The following MAST4 variants were observed in gnomAD, a reference collection of about 807,000 sequenced individuals.
MAST4 encodes the protein microtubule associated serine/threonine kinase family member 4.
In MAST4, 89 loss-of-function variants were observed where a neutral mutation model predicts 162.7. That is an observed-to-expected ratio of 0.55 (90% confidence interval 0.46 to 0.65). The LOEUF is 0.65. Ranked by LOEUF, MAST4 falls within the 30% of genes least tolerant of loss-of-function variation. The pLI is 0.00. For synonymous variants in MAST4, 1,479 were observed against 1,361.1 expected, an observed-to-expected ratio of 1.09 and a Z score of -1.91; for missense variants, 3,153 against 3,374.0, an observed-to-expected ratio of 0.93 and a Z score of 1.62.
intron 4 of MAST4, chr5:67,001,573 T>A (rs1285544805): frequency 1.3e-5 from 2 of 152,222 alleles, no homozygotes; most frequent in Non-Finnish European, 2.9e-5. Flanking sequence ...TAACATATGA[T>A]GCCTGCAGAT....
intron 1 of MAST4, among the ~76,000 whole-genome samples, chr5:66,639,874 A>G (rs1040793318): frequency 6.6e-6 from 1 of 152,198 alleles, no homozygotes; most frequent in Non-Finnish European, 1.5e-5. Context: ...TTTTATATTC[A>G]TAGTGAAATC....
chr5:66,679,277 A>T (rs553211061), intron 1 of MAST4, among the ~76,000 whole-genome samples: 7 of 152,304 alleles, frequency 4.6e-5, no homozygotes, highest in African/African-American at 1.7e-4. Flanking sequence ...GTTGACAAGG[A>T]AAGCAACAAA....
rs1026141113 is a variant in MAST4, at chr5:67,153,366, T to G, written c.3526-92T>G. On this transcript the variant is annotated intron_variant, in intron 25 of 28. Transcript: ENST00000403625. Reference sequence around the variant, plus strand: ...TTTTCTATTAGAGGCTTAGGACATTTGCTAATTAACTCATTATTCTCCCAG... The same window carrying G: ...TTTTCTATTAGAGGCTTAGGACATTGGCTAATTAACTCATTATTCTCCCAG... The G allele has an allele frequency of 2.3e-5, 30 of 1,319,476 alleles. No homozygotes were observed. The Admixed American group carries it at 2.4e-4, about 10-fold the overall frequency. The allele number at this position is 1,319,476 out of a possible 1,614,324, so 81.7% of individuals were successfully genotyped here.
intron 4 of MAST4, among the ~76,000 whole-genome samples, chr5:66,952,144 A>C (rs560380449): frequency 3.9e-5 from 6 of 152,282 alleles, no homozygotes; most frequent in South Asian, 2.1e-4. Flanking sequence ...ACCCTCTCTG[A>C]GGAGAAAGGG....
In MAST4 at chr5:67,122,046, C is replaced by T. The variant is rs1195887636; in HGVS notation, c.1745+944C>T. Among the ~76,000 whole-genome samples, 8 of 152,096 alleles carry T rather than the reference C, an allele frequency of 5.3e-5. No individual in the cohort carries two copies. In the East Asian group the frequency reaches 1.5e-3, roughly 29 times the overall value. On this transcript the variant is annotated intron_variant, in intron 14 of 28. Transcript: ENST00000403625. ...CTTCCTTGATCCCTTTTTGTAGACA[C>T]ATAATTTTCTCCTTGTGGCAGTAAA...
At position 67,134,585 on chromosome 5, in the gene MAST4, G is replaced by A. The variant is rs369291811; in HGVS notation, c.2289G>A (p.Pro763=). The A allele has an allele frequency of 3.3e-5, 54 of 1,613,686 alleles. No individual in the cohort carries two copies. Among genetic ancestry groups the A allele is most frequent in the African/African-American group, 2.1e-4 (16 of 75,010 alleles). Residue 763 remains proline (P), a synonymous_variant, in exon 18 of 29, where the codon CCG becomes CCA. Coordinates refer to ENST00000403625, the MANE Select transcript of MAST4 (RefSeq NM_001164664.2). ...TTCTGAGGCAGGGTTATGGAAAGCC[G>A]GTGGACTGGTGGGCCATGGGGATTA... ...EVILRQGYGK[P]VDWWAMGIIL... is the part of the protein sequence containing the mutation.
intron 5 of MAST4, among the ~76,000 whole-genome samples, chr5:67,059,268 A>G (rs1040527824): frequency 3.3e-5 from 5 of 152,160 alleles, no homozygotes; most frequent in Admixed American, 2.6e-4. Flanking sequence ...TGCTCCTTCC[A>G]TCAACCAGAG....
chr5:66,926,650 ATGTATATATATGTGTGTG>A (rs1007447243), intron 4 of MAST4, among the ~76,000 whole-genome samples: 4 of 151,710 alleles, frequency 2.6e-5, no homozygotes, highest in African/African-American at 9.7e-5. Context: ...ATATGTGTAT[ATGTATATATATGTGTGTG>A]TGTATATATA....
intron 4 of MAST4, among the ~76,000 whole-genome samples, chr5:66,921,636 G>A (rs2150047565): frequency 6.6e-6 from 1 of 152,244 alleles, no homozygotes; most frequent in Admixed American, 6.5e-5. Context: ...GCGCACGCCT[G>A]TAATCCCAGC....
chr5:67,153,410 G>C (rs1199466187), intron 25 of MAST4, 48 bp from the exon 26 acceptor site: 2 of 1,569,986 alleles, frequency 1.3e-6, no homozygotes, highest in African/African-American at 1.3e-5. Context: ...GTAGGTGTTA[G>C]AGTAGTCATT....
intron 1 of MAST4, among the ~76,000 whole-genome samples, chr5:66,606,677 T>C (rs1742905613): frequency 6.6e-6 from 1 of 152,162 alleles, no homozygotes; most frequent in African/African-American, 2.4e-5. Flanking sequence ...TAAATTTCTC[T>C]TCGTGAATCT....
chr5:66,659,372 T>C (rs537414588), intron 1 of MAST4, among the ~76,000 whole-genome samples: 14 of 152,348 alleles, frequency 9.2e-5, no homozygotes, highest in Admixed American at 7.2e-4. Context: ...CTGTTTTCAC[T>C]GATGTATCAC....
At chr5:66,927,640 TCA>T (rs781316227) in intron 4 of MAST4, among the ~76,000 whole-genome samples, 27 of 151,868 alleles carry the variant, frequency 1.8e-4, no homozygotes, top group Non-Finnish European at 3.1e-4. Flanking sequence ...AGGCAGAGAG[TCA>T]CACACAGTGA....
intron 1 of MAST4, among the ~76,000 whole-genome samples, chr5:66,622,479 A>T (rs79453806): frequency 0.039 from 5,756 of 148,710 alleles, 317 homozygotes; most frequent in East Asian, 0.2. Flanking sequence ...GGTTTTAAGT[A>T]GAAGGGTGAC....
intron 3 of MAST4, chr5:66,789,801 T>C: frequency 1.9e-6 from 1 of 515,862 alleles, no homozygotes; most frequent in South Asian, 1.4e-5. Flanking sequence ...AATACGCTTT[T>C]CATCAAAATT....
rs1196584268 is a variant in MAST4, at chr5:67,165,255, T to A, written c.6076T>A (p.Tyr2026Asn). 1.6e-5 allele frequency: 26 copies of A among 1,613,122 alleles called. No individual in the cohort carries two copies. The highest frequency in any genetic ancestry group is 2.2e-5 in the Non-Finnish European group (26 of 1,179,788). Residue 2026 changes from tyrosine to asparagine, a missense_variant, in exon 29 of 29, where the codon TAT (tyrosine) becomes AAT (asparagine). Physicochemically the swap from Tyr to Asn is moderately radical, Grantham distance 143. Around this residue, in one of 7 missense-constraint regions of MAST4, gnomAD observed 1,644 missense variants for 1,495.0 expected, o/e 1.10. Transcript: ENST00000403625. ...TGTGGGAAGGACCCACCCAGATTTC[T>A]ATACACAGACCCAGGCCATGGAGAA... ...LSVGRTHPDF[Y>N]TQTQAMEKAW...
chr5:66,973,568 C>T (rs1456293760), intron 4 of MAST4, among the ~76,000 whole-genome samples: 1 of 152,182 alleles, frequency 6.6e-6, no homozygotes, highest in Non-Finnish European at 1.5e-5. Context: ...CAGATTTTCC[C>T]TTTATGGTGA....
intron 1 of MAST4, among the ~76,000 whole-genome samples, chr5:66,720,050 T>G (rs1247259796): frequency 1.3e-5 from 2 of 152,196 alleles, no homozygotes; most frequent in Admixed American, 6.5e-5. Flanking sequence ...ATTAAGCACT[T>G]TACGTATTTC....
chr5:67,047,828 G>T (rs1241634995), intron 4 of MAST4, among the ~76,000 whole-genome samples: 1 of 152,186 alleles, frequency 6.6e-6, no homozygotes, highest in Non-Finnish European at 1.5e-5. Flanking sequence ...GCAGAGAACA[G>T]CTTTGTTGTT....
Sources: gnomAD v4.1 joint callset for allele counts (sites outside exome capture counted in the v4.1 genomes callset) on GRCh38, gnomAD v4.1.1 for gene constraint, gnomAD v4.1.1 regional missense constraint, MANE v1.5 for transcripts, NCBI Gene and HGNC (gene_info 2026-07-23, HGNC 2026-07-21) for gene names.